Variants in SRCAP observed in about 807,000 individuals in gnomAD.
SRCAP encodes Snf2 related CREBBP activator protein.
In SRCAP, 46 loss-of-function variants were observed where a neutral mutation model predicts 263.1. The ratio of observed to expected loss-of-function variants is 0.17; its 90% CI spans 0.14 to 0.22. The LOEUF is 0.22. Ranked by LOEUF, SRCAP falls within the 10% of genes least tolerant of loss-of-function variation. The pLI, the probability that SRCAP is intolerant of heterozygous loss-of-function variation, is 1.00. For missense variants in SRCAP, 3,695 were observed against 4,181.9 expected (o/e 0.88, Z 3.21); for synonymous variants, 1,813 against 1,662.1 (o/e 1.09, Z -2.21).
Position 30,720,798 on chromosome 16 carries a change from C to A in SRCAP, c.3073C>A (p.Arg1025=), listed in dbSNP as rs756873629. ...GGCGCCCCTGGGCCCTGTCCCAGTT[C>A]GACCTCCTCCAGGTCCTGAGCTCTC... ...PRAPLGPVPV[R]PPPGPELSAQ... is the part of the protein sequence containing the mutation. Residue 1025 remains arginine (R), a synonymous_variant, in exon 20 of 34, where the codon CGA becomes AGA. Coordinates refer to ENST00000262518, the MANE Select transcript of SRCAP (RefSeq NM_006662.3). 7.4e-6 allele frequency: 12 copies of A among 1,613,976 alleles called. No individual in the cohort carries two copies. The highest frequency in any genetic ancestry group is 1.7e-5 in the Admixed American group (1 of 59,992).
In SRCAP at chr16:30,724,460, A is replaced by G. The variant is rs1476440003; in HGVS notation, c.5036A>G (p.Gln1679Arg). 1.2e-6 allele frequency: 2 copies of G among 1,614,050 alleles called. No homozygotes were observed. Among genetic ancestry groups the G allele is most frequent in the African/African-American group, 2.7e-5 (2 of 74,912 alleles). The change falls in exon 25 of 34, where the codon CAG becomes CGG. Residue 1679 changes from glutamine (Q) to arginine (R), a missense_variant. Coordinates refer to ENST00000262518, the MANE Select transcript of SRCAP (RefSeq NM_006662.3). ...PSPLPSPAST[Q>R]TLALAPALAP... ...CCTCTCCCGAGCCCGGCTTCTACGC[A>G]GACACTGGCCCTAGCCCCAGCTTTA... is the stretch of plus-strand genomic sequence containing the variant.
rs1382728753 is a variant in SRCAP, at chr16:30,736,608, A to G, written c.6992A>G (p.Glu2331Gly). Residue 2331 changes from glutamate to glycine, a missense_variant, in exon 33 of 34, where the codon GAG (glutamate) becomes GGG (glycine). Coordinates refer to ENST00000262518, the MANE Select transcript of SRCAP (RefSeq NM_006662.3). ...EASLEEVSREELKQAEEQVEA... is the reference protein window; with the variant it reads ...EASLEEVSREGLKQAEEQVEA... ...TCACTGGAGGAGGTGAGCCGAGAGGAGCTCAAACAGGCAGAAGTGAGTATT... is the reference window on the plus strand; with the variant it reads ...TCACTGGAGGAGGTGAGCCGAGAGGGGCTCAAACAGGCAGAAGTGAGTATT... The G allele has an allele frequency of 6.2e-7, 1 of 1,613,934 alleles. No homozygotes were observed. The highest frequency in any genetic ancestry group is 8.5e-7 in the Non-Finnish European group (1 of 1,179,986).
chr16:30,717,649 T>A (rs2052965576), intron 18 of SRCAP, among the ~76,000 whole-genome samples: 2 of 133,898 alleles, frequency 1.5e-5, no homozygotes, highest in Non-Finnish European at 3.0e-5. Context: ...AGTCTCGCTC[T>A]GTCCTCAGGC....
In SRCAP at chr16:30,712,060, CAGGGCCCACTACTCT is replaced by C. The variant is rs1567242751; in HGVS notation, c.1722_1736del (p.Thr576_Pro580del). 6.2e-7 allele frequency: 1 copy of C among 1,614,054 alleles called. No individual in the cohort carries two copies. On this transcript the variant is annotated inframe_deletion, in exon 12 of 34. Transcript: ENST00000262518. The stretch of plus-strand genomic sequence containing the variant: ...GATGCAGGCAGTGGGCCTCCTACTC[CAGGGCCCACTACTCT>C]AGGTCCAAAGAAAGAAATTACTGAC...
rs767341555 is a variant in SRCAP, at chr16:30,738,251, G to T, written c.8211G>T (p.Arg2737=). ...AAATTAGGGGTCAAGGGACTGGTCGGCCAGGACAACCACCAGGCCCCAAAG... is the reference window on the plus strand; with the variant it reads ...AAATTAGGGGTCAAGGGACTGGTCGTCCAGGACAACCACCAGGCCCCAAAG... The part of the protein sequence containing the change: ...DVEIRGQGTG[R]PGQPPGPKVL... The change falls in exon 34 of 34, where the codon CGG becomes CGT. Residue 2737 remains arginine (R), a synonymous_variant. Coordinates refer to ENST00000262518, the MANE Select transcript of SRCAP (RefSeq NM_006662.3). 1 of 1,612,816 alleles carries T rather than the reference G, an allele frequency of 6.2e-7. No individual in the cohort carries two copies. Among genetic ancestry groups the T allele is most frequent in the African/African-American group, 1.3e-5 (1 of 74,914 alleles).
Position 30,740,188 on chromosome 16 carries a change from C to G in SRCAP, c.*455C>G, listed in dbSNP as rs1224556978. ...GTGGAGGGTTGGGTGGGAACTTGGG[C>G]ATCGTTTTTCTCCTCCCTCTTGTTC... On this transcript the variant is annotated 3_prime_UTR_variant, in exon 34 of 34. Coordinates refer to ENST00000262518, the MANE Select transcript of SRCAP (RefSeq NM_006662.3). 1 of 152,290 alleles carries G rather than the reference C, an allele frequency of 6.6e-6. No individual in the cohort carries two copies. Among genetic ancestry groups the G allele is most frequent in the Non-Finnish European group, 1.5e-5 (1 of 68,276 alleles). 9.4% of individuals were successfully genotyped at this position (152,290 alleles called of 1,614,324 possible). A position where few individuals can be genotyped will look rare whatever the true frequency, so the allele number is the denominator to read the frequency against.
Position 30,720,730 on chromosome 16 carries a change from C to G in SRCAP, c.3005C>G (p.Pro1002Arg), listed in dbSNP as rs1455935876. The G allele has an allele frequency of 6.2e-7, 1 of 1,607,528 alleles. No individual in the cohort carries two copies. The highest frequency in any genetic ancestry group is 1.3e-5 in the African/African-American group (1 of 74,810). ...TCTCACAGGATGCTGCAGCCAGTACCTAAGCAAGAAGGCCGGACAGTGGTG... is the reference window on the plus strand; with the variant it reads ...TCTCACAGGATGCTGCAGCCAGTACGTAAGCAAGAAGGCCGGACAGTGGTG... ...MKVNRMLQPV[P>R]KQEGRTVVVV... Residue 1002 changes from proline to arginine, a missense_variant, in exon 20 of 34, where the codon CCT becomes CGT. This residue lies in a region of SRCAP where 1,347 missense variants were observed against 1,304.4 expected (regional missense o/e 1.03). Transcript: ENST00000262518.
chr16:30,723,331 C>T (rs566381442), intron 24 of SRCAP, 102 bp downstream of exon 24: 7 of 1,476,932 alleles, frequency 4.7e-6, no homozygotes, highest in South Asian at 2.8e-5. Flanking sequence ...TTCATATCAG[C>T]GTACTGCCTT....
rs372780209 is a variant in SRCAP, at chr16:30,736,410, A to G, written c.6924+16A>G. 31 of 1,605,602 alleles carry G rather than the reference A, an allele frequency of 1.9e-5. No homozygotes were observed. Among genetic ancestry groups the G allele is most frequent in the Non-Finnish European group, 2.1e-5 (25 of 1,174,174 alleles). ...CGTAGAACAGGTCAGTGCTGGACCC[A>G]CTAGTTCTTGACTTTACTGCTTCCC... On this transcript the variant is annotated intron_variant, in intron 32 of 33. Transcript: ENST00000262518.
rs779810136 is a variant in SRCAP, at chr16:30,720,209, C to T, written c.2865C>T (p.Val955=). 2 of 1,613,836 alleles carry T rather than the reference C, an allele frequency of 1.2e-6. No individual in the cohort carries two copies. The highest frequency in any genetic ancestry group is 1.6e-4 in the Middle Eastern group (1 of 6,084). The change falls in exon 19 of 34, where the codon GTC becomes GTT. Residue 955 remains valine, a synonymous_variant. Transcript: ENST00000262518. ...RFDLIGLEGR[V]SRYEADTFLP... ...ACCTTATTGGCCTGGAAGGTCGTGT[C>T]TCTCGATATGAGGCAGACACATTTC...
At chr16:30,735,392 C>T (rs978356493) in intron 31 of SRCAP, among the ~76,000 whole-genome samples, 2 of 151,462 alleles carry the variant, frequency 1.3e-5, no homozygotes, top group Admixed American at 6.6e-5. Flanking sequence ...GTGATCCGCC[C>T]GCCTCGGCCT....
At chr16:30,734,030 C>A in intron 30 of SRCAP, 22 bp downstream of exon 30, 1 of 1,573,136 alleles carries the variant, frequency 6.4e-7, no homozygotes, top group Non-Finnish European at 8.6e-7. Flanking sequence ...GATCTTTTAG[C>A]CTATGCAGGA....
Position 30,704,152 on chromosome 16 carries a change from C to A in SRCAP, c.143C>A (p.Pro48Gln). The A allele has an allele frequency of 6.2e-7, 1 of 1,614,200 alleles. No homozygotes were observed. Among genetic ancestry groups the A allele is most frequent in the Non-Finnish European group, 8.5e-7 (1 of 1,180,038 alleles). ...PASSGAGGIS[P>Q]QHIAQDSSLD... The stretch of plus-strand genomic sequence containing the variant: ...TCTAGTGGGGCAGGCGGCATCTCCC[C>A]GCAGCACATAGCTCAAGATTCCTCA... The change falls in exon 4 of 34, where the codon CCG becomes CAG. Residue 48 changes from proline to glutamine, a missense_variant. This residue lies in a region of SRCAP where 122 missense variants were observed against 116.9 expected (regional missense o/e 1.04). Coordinates refer to ENST00000262518, the MANE Select transcript of SRCAP (RefSeq NM_006662.3).
intron 16 of SRCAP, among the ~76,000 whole-genome samples, chr16:30,714,367 G>C (rs905676286): frequency 6.6e-6 from 1 of 150,842 alleles, no homozygotes; most frequent in African/African-American, 2.4e-5. Flanking sequence ...CCCGGCCTAC[G>C]CCCGGCTAAT....
chr16:30,740,228 G>T lies in SRCAP; in HGVS notation c.*495G>T, dbSNP rs983731699. 2.0e-5 allele frequency: 3 copies of T among 152,580 alleles called. No homozygotes were observed. Among genetic ancestry groups the T allele is most frequent in the African/African-American group, 7.2e-5 (3 of 41,390 alleles). The allele number at this position is 152,580 out of a possible 1,614,324, so 9.5% of individuals were successfully genotyped here. ...CCCTCTTGTTCTTGCAAAGATCCTA[G>T]CACCTGATCTCTAGCCCAGGACTAT... is the stretch of plus-strand genomic sequence containing the variant. On this transcript the variant is annotated 3_prime_UTR_variant, in exon 34 of 34. Transcript: ENST00000262518.
At chr16:30,715,097 A>G (rs1265018176) in intron 16 of SRCAP, among the ~76,000 whole-genome samples, 2 of 152,224 alleles carry the variant, frequency 1.3e-5, no homozygotes, top group African/African-American at 2.4e-5. Flanking sequence ...AGTCTGTACT[A>G]AAATTCCTTG....
At position 30,715,633 on chromosome 16, in the gene SRCAP, C is replaced by T. The variant is rs374597482; in HGVS notation, c.2494-433C>T. 9.1e-4 allele frequency among the ~76,000 whole-genome samples: 137 copies of T among 150,986 alleles called. 2 individuals carry two copies. Among genetic ancestry groups the T allele is most frequent in the Middle Eastern group, 3.5e-3 (1 of 284 alleles). ...ACTTTTCCTTCATTTATCTCTGTTC[C>T]TTTACTTCTTCCGTGTCACTGTAGA... On this transcript the variant is annotated intron_variant, in intron 16 of 33. Coordinates refer to ENST00000262518, the MANE Select transcript of SRCAP (RefSeq NM_006662.3).
chr16:30,741,314 C>G lies in SRCAP; in HGVS notation c.*1581C>G, dbSNP rs1036819171. 1.3e-5 allele frequency: 2 copies of G among 155,692 alleles called. No homozygotes were observed. Among genetic ancestry groups the G allele is most frequent in the Non-Finnish European group, 2.8e-5 (2 of 70,500 alleles). 9.6% of individuals were successfully genotyped at this position (155,692 alleles called of 1,614,324 possible). A position where few individuals can be genotyped will look rare whatever the true frequency, so the allele number is the denominator to read the frequency against. Reference sequence around the variant, plus strand: ...GGGTTGCAGTACCTAGGGTCCTGCTCTCTGACATCTATAATACTCAGGGGG... The same window carrying G: ...GGGTTGCAGTACCTAGGGTCCTGCTGTCTGACATCTATAATACTCAGGGGG... On this transcript the variant is annotated 3_prime_UTR_variant, in exon 34 of 34. Coordinates refer to ENST00000262518, the MANE Select transcript of SRCAP (RefSeq NM_006662.3).
chr16:30,703,988 C>A lies in SRCAP; in HGVS notation c.55-76C>A, dbSNP rs545543568. On this transcript the variant is annotated intron_variant, in intron 3 of 33. Coordinates refer to ENST00000262518, the MANE Select transcript of SRCAP (RefSeq NM_006662.3). ...CTACACAGTTTTTTCTTGTGAAGAT[C>A]GGATGAAATAATGTATCTAAAACAC... 3.4e-4 allele frequency: 511 copies of A among 1,491,210 alleles called. 7 individuals are homozygous for A. The South Asian group carries it at 6.5e-3, about 19-fold the overall frequency. 92.4% of individuals were successfully genotyped at this position (1,491,210 alleles called of 1,614,324 possible).
Sources: allele counts gnomAD v4.1 joint callset (sites outside exome capture counted in the v4.1 genomes callset), GRCh38; gene constraint gnomAD v4.1.1; regional missense constraint gnomAD v4.1.1; transcripts MANE v1.5; gene names NCBI Gene and HGNC (gene_info 2026-07-23, HGNC 2026-07-21).